CTNNA2: variants seen among roughly 807,000 people sequenced by gnomAD.
CTNNA2 encodes the protein catenin alpha-2.
In CTNNA2, 42 loss-of-function variants were observed where a neutral mutation model predicts 101.0. The ratio of observed to expected loss-of-function variants is 0.42; its 90% CI spans 0.32 to 0.54. The LOEUF (loss-of-function observed/expected upper bound fraction) is 0.54. Ranked by LOEUF, CTNNA2 falls within the 20% of genes least tolerant of loss-of-function variation. The pLI, the probability that CTNNA2 is intolerant of heterozygous loss-of-function variation, is 0.14. For synonymous variants in CTNNA2, 450 were observed against 456.4 expected, an observed-to-expected ratio of 0.99 and a Z score of 0.18; for missense variants, 871 against 1,223.1, an observed-to-expected ratio of 0.71 and a Z score of 4.29.
chr2:80,377,941 C>T (rs371795234), intron 7 of CTNNA2, among the ~76,000 whole-genome samples: 17 of 152,302 alleles, frequency 1.1e-4, no homozygotes, highest in African/African-American at 3.6e-4. Flanking sequence ...AATGTCACTA[C>T]AAGACTTTAT....
chr2:80,555,990 C>T (rs1193916155), intron 12 of CTNNA2, 97 bp downstream of exon 12: 3 of 826,876 alleles, frequency 3.6e-6, no homozygotes, highest in Non-Finnish European at 5.3e-6. Context: ...GGCCTTTATG[C>T]TTCTAAATTG....
chr2:80,066,354 A>G (rs1697987027), intron 7 of CTNNA2, among the ~76,000 whole-genome samples: 1 of 152,190 alleles, frequency 6.6e-6, no homozygotes, highest in South Asian at 2.1e-4. Flanking sequence ...CCTAAAATAT[A>G]AAAGAAATTC....
At chr2:80,532,163 C>A (rs1391856647) in intron 9 of CTNNA2, among the ~76,000 whole-genome samples, 5 of 152,180 alleles carry the variant, frequency 3.3e-5, no homozygotes, top group African/African-American at 1.2e-4. Context: ...CCCCAAAAGC[C>A]TGCCTGGGGA....
chr2:79,405,948 A>T (rs1003727589), intron 4 of CTNNA2, among the ~76,000 whole-genome samples: 2 of 152,056 alleles, frequency 1.3e-5, no homozygotes, highest in African/African-American at 2.4e-5. Flanking sequence ...GACATAGAGG[A>T]TTACTCCTCA....
chr2:80,632,190 AC>A (rs1471591677), intron 18 of CTNNA2, among the ~76,000 whole-genome samples: 1 of 152,030 alleles, frequency 6.6e-6, no homozygotes, highest in Non-Finnish European at 1.5e-5. Context: ...TGGAGAACAT[AC>A]CAGCATACCA....
chr2:79,627,672 G>A (rs1433465654), intron 1 of CTNNA2, among the ~76,000 whole-genome samples: 1 of 152,114 alleles, frequency 6.6e-6, no homozygotes, highest in Admixed American at 6.5e-5. Context: ...CTACTATAGT[G>A]TACTTTTACA....
chr2:80,265,125 C>A (rs1284788529), intron 7 of CTNNA2, among the ~76,000 whole-genome samples: 1 of 151,924 alleles, frequency 6.6e-6, no homozygotes, highest in Non-Finnish European at 1.5e-5. Flanking sequence ...CAGGCGCCCA[C>A]CACCACACCC....
chr2:79,568,858 CAAAAAAAAAAA>C (rs540965419), intron 1 of CTNNA2, among the ~76,000 whole-genome samples: 20 of 68,962 alleles, frequency 2.9e-4, no homozygotes, highest in African/African-American at 6.7e-4. Context: ...TCTGTTTCTA[CAAAAAAAAAAA>C]AAAAAAAAAA....
intron 4 of CTNNA2, among the ~76,000 whole-genome samples, chr2:79,421,038 G>T (rs1261345052): frequency 6.6e-6 from 1 of 152,042 alleles, no homozygotes; most frequent in African/African-American, 2.4e-5. Context: ...AGACACAATG[G>T]GATATTTAAC....
intron 7 of CTNNA2, among the ~76,000 whole-genome samples, chr2:80,348,925 AG>A (rs1673034821): frequency 1.3e-5 from 2 of 152,172 alleles, no homozygotes; most frequent in African/African-American, 4.8e-5. Context: ...GAAGCAACAG[AG>A]GAAAGACAAG....
At chr2:80,453,182 A>C (rs563815045) in intron 9 of CTNNA2, among the ~76,000 whole-genome samples, 1 of 152,186 alleles carries the variant, frequency 6.6e-6, no homozygotes, top group East Asian at 1.9e-4. Context: ...GGTGAAATCA[A>C]ATCTCCTAAC....
intron 9 of CTNNA2, among the ~76,000 whole-genome samples, chr2:80,500,104 C>T (rs1015373545): frequency 3.9e-5 from 6 of 152,016 alleles, no homozygotes; most frequent in African/African-American, 4.8e-5. Context: ...AAAATAGAAG[C>T]GTGTGCTTAC....
At chr2:79,417,447 A>C (rs1245215467) in intron 4 of CTNNA2, among the ~76,000 whole-genome samples, 1 of 152,156 alleles carries the variant, frequency 6.6e-6, no homozygotes, top group South Asian at 2.1e-4. Context: ...AGGATTGTAA[A>C]ATGTTCTAAG....
At chr2:80,340,867 C>T (rs1279850044) in intron 7 of CTNNA2, among the ~76,000 whole-genome samples, 2 of 152,308 alleles carry the variant, frequency 1.3e-5, no homozygotes, top group African/African-American at 2.4e-5. Flanking sequence ...TCCTGGACCA[C>T]CCATACTTCT....
chr2:79,791,601 A>C (rs2105254613), intron 3 of CTNNA2, among the ~76,000 whole-genome samples: 1 of 152,296 alleles, frequency 6.6e-6, no homozygotes, highest in African/African-American at 2.4e-5. Context: ...ACTCCTTGAA[A>C]GAATCATGCT....
At chr2:79,814,634 C>CAG (rs1677332093) in intron 3 of CTNNA2, among the ~76,000 whole-genome samples, 3 of 146,768 alleles carry the variant, frequency 2.0e-5, no homozygotes, top group Admixed American at 2.0e-4. Context: ...CACACACACA[C>CAG]ACACATATAT....
chr2:80,590,905 C>G lies in CTNNA2; in HGVS notation c.2189+1420C>G, dbSNP rs370873390. ...CAGCCTGAAACTTCTACAAATCAGA[C>G]GATTATGGCAGCCTCAGTCACTGTT... On this transcript the variant is annotated intron_variant, in intron 15 of 18. Transcript: ENST00000402739. 2.0e-4 allele frequency among the ~76,000 whole-genome samples: 30 copies of G among 152,240 alleles called. 1 individual carries two copies. The highest frequency in any genetic ancestry group is 1.3e-3 in the Admixed American group (20 of 15,290).
At chr2:79,621,283 A>G (rs1266141507) in intron 1 of CTNNA2, among the ~76,000 whole-genome samples, 1 of 152,158 alleles carries the variant, frequency 6.6e-6, no homozygotes, top group Non-Finnish European at 1.5e-5. Flanking sequence ...CCAGAACGTG[A>G]TTTCTAATAC....
At chr2:79,449,033 C>A (rs533775347) in intron 4 of CTNNA2, among the ~76,000 whole-genome samples, 1 of 151,964 alleles carries the variant, frequency 6.6e-6, no homozygotes, top group Non-Finnish European at 1.5e-5. Flanking sequence ...CCGCATGATG[C>A]AGTCTACTGA....
Sources: gnomAD v4.1 joint callset for allele counts (sites outside exome capture counted in the v4.1 genomes callset) on GRCh38, gnomAD v4.1.1 for gene constraint, MANE v1.5 for transcripts, NCBI Gene and HGNC (gene_info 2026-07-23, HGNC 2026-07-21) for gene names.